Variants in SGK1 observed in about 807,000 individuals in gnomAD.
The protein encoded by SGK1 is serine/threonine-protein kinase Sgk1.
SGK1 carries 26 observed loss-of-function variants against 64.2 expected under a neutral mutation model. The observed-to-expected ratio is 0.40, with a 90% CI of 0.30 to 0.56. SGK1 has a LOEUF of 0.56. Among genes scored for constraint, SGK1 ranks in the 20% least tolerant of loss-of-function variants. The pLI, the probability that SGK1 is intolerant of heterozygous loss-of-function variation, is 0.38. For missense variants in SGK1, 519 were observed against 645.6 expected (o/e 0.80, Z 2.12); for synonymous variants, 265 against 239.7 (o/e 1.11, Z -0.98).
At position 134,314,637 on chromosome 6, in the gene SGK1, A is replaced by C. The variant is rs141765722; in HGVS notation, c.69+2755T>G. On this transcript the variant is annotated intron_variant, in intron 1 of 13. Transcript: ENST00000367858. ...ACCCAGAACATAGTCAGCTCTAATA[A>C]ATAGTGACTGACAGACAGCTACAAG... Among the ~76,000 whole-genome samples the C allele has an allele frequency of 1.9e-3, 285 of 152,308 alleles. 2 individuals are homozygous for C. The highest frequency in any genetic ancestry group is 6.5e-3 in the African/African-American group (272 of 41,574).
chr6:134,256,209 A>G (rs147339059), intron 2 of SGK1, among the ~76,000 whole-genome samples: 170 of 152,126 alleles, frequency 1.1e-3, no homozygotes, highest in African/African-American at 3.9e-3. Flanking sequence ...CATAGTTTAC[A>G]ATGTCCCCAG....
Position 134,298,212 on chromosome 6 carries a change from C to T in SGK1, c.69+19180G>A, listed in dbSNP as rs1452812142. On this transcript the variant is annotated intron_variant, in intron 1 of 13. Coordinates refer to ENST00000367858, the MANE Select transcript of SGK1 (RefSeq NM_001143676.3). ...GCCCCTGCATGTTGCCAAGCTCTGC[C>T]TCCAGCTTCAGCTTCTCCTGGCCCC... 34 of 1,561,976 alleles carry T rather than the reference C, an allele frequency of 2.2e-5. 1 individual carries two copies. Among genetic ancestry groups the T allele is most frequent in the East Asian group, 1.3e-4 (6 of 44,678 alleles).
At chr6:134,229,785 C>T (rs1776248356) in intron 2 of SGK1, among the ~76,000 whole-genome samples, 1 of 152,062 alleles carries the variant, frequency 6.6e-6, no homozygotes, top group South Asian at 2.1e-4. Flanking sequence ...CATCTCTGGT[C>T]TTTATTTTCT....
intron 2 of SGK1, among the ~76,000 whole-genome samples, chr6:134,255,243 GT>G (rs1158335510): frequency 4.6e-5 from 7 of 152,146 alleles, no homozygotes; most frequent in Non-Finnish European, 7.3e-5. Flanking sequence ...TGCTCTACAA[GT>G]TTATAATTTT....
At chr6:134,309,088 C>T (rs986641763) in intron 1 of SGK1, among the ~76,000 whole-genome samples, 3 of 152,090 alleles carry the variant, frequency 2.0e-5, no homozygotes, top group South Asian at 2.1e-4. Context: ...AATTCTTCTC[C>T]GAAAAACGTC....
chr6:134,174,806 A>C (rs1201590942), intron 3 of SGK1: 2 of 1,614,018 alleles, frequency 1.2e-6, no homozygotes, highest in Non-Finnish European at 8.5e-7. Context: ...TTTCACCGTC[A>C]TCACCACCGC....
intron 3 of SGK1, among the ~76,000 whole-genome samples, chr6:134,179,713 G>C (rs371453880): frequency 2.0e-5 from 3 of 152,144 alleles, no homozygotes; most frequent in East Asian, 3.9e-4. Context: ...TCTAATCATA[G>C]TGTTAAAAGT....
intron 1 of SGK1, among the ~76,000 whole-genome samples, chr6:134,303,061 A>T (rs902279278): frequency 6.6e-6 from 1 of 151,920 alleles, no homozygotes; most frequent in Non-Finnish European, 1.5e-5. Flanking sequence ...AGCCTGAGGT[A>T]TTATTATTAA....
chr6:134,246,870 T>C (rs1776533044), intron 2 of SGK1, among the ~76,000 whole-genome samples: 1 of 152,192 alleles, frequency 6.6e-6, no homozygotes, highest in African/African-American at 2.4e-5. Context: ...TGGGAGCCAC[T>C]GTGCCTGGCC....
At chr6:134,201,359 C>T (rs937318145) in intron 3 of SGK1, among the ~76,000 whole-genome samples, 1 of 149,574 alleles carries the variant, frequency 6.7e-6, no homozygotes, top group Non-Finnish European at 1.5e-5. Context: ...CACACCCAGC[C>T]TTATTTCTTT....
chr6:134,310,941 T>A (rs80137834), intron 1 of SGK1, among the ~76,000 whole-genome samples: 1,831 of 152,272 alleles, frequency 0.012, 61 homozygotes, highest in African/African-American at 0.042. Flanking sequence ...AAAAGGAGAT[T>A]AGTGAATCAC....
intron 1 of SGK1, among the ~76,000 whole-genome samples, chr6:134,267,193 T>C (rs1776867135): frequency 6.6e-6 from 1 of 152,132 alleles, no homozygotes; most frequent in Non-Finnish European, 1.5e-5. Context: ...ATATTCTTTT[T>C]TCATGTTATT....
rs776933231 is a variant in SGK1, at chr6:134,317,666, C to T, written c.-206G>A. ...CCCCACTTTCAGTTGCCACCGACAG[C>T]GGCTTTTCTCCTTCCATCATTGCTC... On this transcript the variant is annotated 5_prime_UTR_variant, in exon 1 of 14. Coordinates refer to ENST00000367858, the MANE Select transcript of SGK1 (RefSeq NM_001143676.3). 5 of 581,742 alleles carry T rather than the reference C, an allele frequency of 8.6e-6. No individual in the cohort carries two copies. Among genetic ancestry groups the T allele is most frequent in the Middle Eastern group, 4.6e-4 (1 of 2,158 alleles). The allele number at this position is 581,742 out of a possible 1,614,324, so 36.0% of individuals were successfully genotyped here.
chr6:134,251,978 A>T (rs368732417), intron 2 of SGK1, among the ~76,000 whole-genome samples: 1 of 152,080 alleles, frequency 6.6e-6, no homozygotes, highest in African/African-American at 2.4e-5. Flanking sequence ...GCTGGTCTTG[A>T]ACTTCTGGGC....
At chr6:134,297,861 TC>T in intron 1 of SGK1, 2 of 776,980 alleles carry the variant, frequency 2.6e-6, no homozygotes, top group Admixed American at 3.5e-5. Context: ...CATCTGCAGC[TC>T]CTCATATTTG....
chr6:134,176,038 G>A lies in SGK1; in HGVS notation c.362-1452C>T, dbSNP rs531718314. Reference sequence around the variant, plus strand: ...AGTAATCTCTGAGAACATTTTGTCCGTTCCGCATGTAATTTTTTTCCTTGC... The same window carrying A: ...AGTAATCTCTGAGAACATTTTGTCCATTCCGCATGTAATTTTTTTCCTTGC... On this transcript the variant is annotated intron_variant, in intron 3 of 13. Coordinates refer to ENST00000367858, the MANE Select transcript of SGK1 (RefSeq NM_001143676.3). 9.2e-6 allele frequency: 9 copies of A among 979,892 alleles called. No homozygotes were observed. The East Asian group carries it at 6.0e-4, about 66-fold the overall frequency. The allele number at this position is 979,892 out of a possible 1,614,324, so 60.7% of individuals were successfully genotyped here.
chr6:134,228,833 T>C (rs1043950101), intron 2 of SGK1, among the ~76,000 whole-genome samples: 1 of 146,650 alleles, frequency 6.8e-6, no homozygotes, highest in African/African-American at 2.6e-5. Flanking sequence ...TCAGGTCTTG[T>C]AGTTGTTCTT....
chr6:134,286,377 G>A (rs544072393), intron 1 of SGK1, among the ~76,000 whole-genome samples: 81 of 152,248 alleles, frequency 5.3e-4, no homozygotes, highest in Non-Finnish European at 9.1e-4. Flanking sequence ...AGGACCTCCT[G>A]AGCCTGGGAG....
At chr6:134,264,263 G>T (rs1402421615) in intron 1 of SGK1, among the ~76,000 whole-genome samples, 1 of 151,926 alleles carries the variant, frequency 6.6e-6, no homozygotes, top group Non-Finnish European at 1.5e-5. Flanking sequence ...GGGACTACAG[G>T]CACCTGCCAC....
Sources: allele counts gnomAD v4.1 joint callset (sites outside exome capture counted in the v4.1 genomes callset), GRCh38; gene constraint gnomAD v4.1.1; transcripts MANE v1.5; gene names NCBI Gene and HGNC (gene_info 2026-07-23, HGNC 2026-07-21).